The following DALRD3 variants were observed in gnomAD, a reference collection of about 807,000 sequenced individuals.
The protein encoded by DALRD3 is DALR anticodon-binding domain-containing protein 3.
DALRD3 carries 47 observed loss-of-function variants against 56.7 expected under a neutral mutation model. The observed-to-expected ratio is 0.83, with a 90% CI of 0.66 to 1.06. The LOEUF (loss-of-function observed/expected upper bound fraction) is 1.06, where lower values mean the gene tolerates loss of function less well. Ranked by LOEUF, DALRD3 falls within the 50% of genes least tolerant of loss-of-function variation. The pLI is 0.00. For synonymous variants in DALRD3, 347 were observed against 308.5 expected (o/e 1.12, Z -1.31); for missense variants, 787 against 724.0 (o/e 1.09, Z -1.00).
At chr3:49,021,327 A>G (rs1052698971), upstream of DALRD3, 2 of 152,290 alleles carry the variant, frequency 1.3e-5, no homozygotes, top group Non-Finnish European at 2.9e-5. This position sits in a 1 kb window ranked among gnomAD's most constrained non-coding sequence, Gnocchi z 4.1. Flanking sequence ...CTCTCGCGCC[A>G]GTAGGCCCTT....
chr3:49,016,311 G>C lies in DALRD3; in HGVS notation c.1176C>G (p.Ile392Met). ...TGCCACTCTTTGTGCCCTTCGTGGA[G>C]ATACTGCTGTCAGCCAGAGCCAGGA... is the stretch of plus-strand genomic sequence containing the variant. ...QLFLALADSS[I>M]STKGTKSGTF... The change falls in exon 9 of 12, where the codon ATC (isoleucine) becomes ATG (methionine). Residue 392 changes from isoleucine to methionine, a missense_variant. Transcript: ENST00000341949. 6.2e-7 allele frequency: 1 copy of C among 1,610,176 alleles called. No individual in the cohort carries two copies. The highest frequency in any genetic ancestry group is 2.2e-5 in the East Asian group (1 of 44,756).
rs1001770694 is a variant in DALRD3, at chr3:49,015,972, C to A, written c.1443+1G>T. ...GAGTGTCCTGGTTGTCTATGCCTCA[C>A]CATCTCTGTGCGTACAGCAATGTGG... On this transcript the variant is annotated splice_donor_variant, in intron 10 of 11. Transcript: ENST00000341949. LOFTEE classifies it high-confidence loss of function. 6.2e-7 allele frequency: 1 copy of A among 1,613,870 alleles called. No individual in the cohort carries two copies. Among genetic ancestry groups the A allele is most frequent in the African/African-American group, 1.3e-5 (1 of 75,038 alleles).
rs779332312 is a variant in DALRD3, at chr3:49,018,428, G to A, written c.137C>T (p.Ala46Val). ...GCCGTCATCGAAGCGCGCCTGCAGC[G>A]CGCGGTGCGGTGCCAGAAAGTCTCG... is the stretch of plus-strand genomic sequence containing the variant. ...RSRDFLAPHRALQARFDDGQV... is the reference protein window; with the variant it reads ...RSRDFLAPHRVLQARFDDGQV... The change falls in exon 1 of 12, where the codon GCG becomes GTG. Residue 46 changes from alanine to valine, a missense_variant. Ala to Val is a moderately conservative substitution (Grantham distance 64). Transcript: ENST00000341949. 3 of 1,581,406 alleles carry A rather than the reference G, an allele frequency of 1.9e-6. No homozygotes were observed. Among genetic ancestry groups the A allele is most frequent in the South Asian group, 1.1e-5 (1 of 87,436 alleles).
At chr3:49,020,574 T>A (rs1451385720), upstream of DALRD3, 1 of 470,522 alleles carries the variant, frequency 2.1e-6, no homozygotes. Flanking sequence ...CAGTAAAGTA[T>A]GTCTGGGGGT....
chr3:49,016,554 C>G, intron 7 of DALRD3, 43 bp from the exon 8 acceptor site: 2 of 1,600,502 alleles, frequency 1.2e-6, no homozygotes, highest in Non-Finnish European at 1.7e-6. Flanking sequence ...CAGGCAAGGG[C>G]AGGGATGCAA....
intron 3 of DALRD3, 27 bp downstream of exon 3, chr3:49,017,586 C>T (rs1462184489): frequency 1.9e-6 from 3 of 1,614,006 alleles, no homozygotes; most frequent in Non-Finnish European, 2.5e-6. Flanking sequence ...CCTGCCTTTT[C>T]TGGCCCTGCT....
chr3:49,016,987 G>C, intron 5 of DALRD3, 140 bp from the exon 6 acceptor site: 5 of 1,045,814 alleles, frequency 4.8e-6, no homozygotes, highest in Non-Finnish European at 4.3e-6. Flanking sequence ...CGTCTACCCA[G>C]CCACTCAGGC....
Position 49,018,067 on chromosome 3 carries a change from C to T in DALRD3, c.417G>A (p.Thr139=). The stretch of plus-strand genomic sequence containing the variant: ...GCGCCAGGTGATCGGCCACGAGCAC[C>T]GTACGCAGCTGGCTCAAGCGGAGTG... The part of the protein sequence containing the change: ...PCALRLSQLR[T]VLVADHLARA... The change falls in exon 2 of 12, where the codon ACG becomes ACA. Residue 139 remains threonine (T), a synonymous_variant. Coordinates refer to ENST00000341949, the MANE Select transcript of DALRD3 (RefSeq NM_001009996.3). 6.7e-7 allele frequency: 1 copy of T among 1,491,766 alleles called. No homozygotes were observed. 92.4% of individuals were successfully genotyped at this position (1,491,766 alleles called of 1,614,324 possible). A position where few individuals can be genotyped will look rare whatever the true frequency, so the allele number is the denominator to read the frequency against.
chr3:49,019,926 T>G (rs1260755072), upstream of DALRD3, among the ~76,000 whole-genome samples: 1 of 152,250 alleles, frequency 6.6e-6, no homozygotes, highest in Non-Finnish European at 1.5e-5. Context: ...ATCTTGCTCC[T>G]CTACCAATAG....
intron 5 of DALRD3, 49 bp downstream of exon 5, chr3:49,017,179 G>C (rs764984657): frequency 1.2e-6 from 2 of 1,613,086 alleles, no homozygotes; most frequent in Non-Finnish European, 1.7e-6. Flanking sequence ...AGGGCCCTCT[G>C]AGGTTGGGGG....
chr3:49,019,011 T>A (rs2093127843), upstream of DALRD3: 8 of 985,470 alleles, frequency 8.1e-6, no homozygotes, highest in South Asian at 3.8e-4. Flanking sequence ...TATCTCGTTT[T>A]AAAAAGAATA....
At chr3:49,020,471 C>A, upstream of DALRD3, 1 of 385,388 alleles carries the variant, frequency 2.6e-6, no homozygotes. Flanking sequence ...CCCCAGGGTT[C>A]CAGAGATGGC....
Position 49,015,534 on chromosome 3 carries a change from T to G in DALRD3, c.*54A>C. The G allele has an allele frequency of 6.2e-7, 1 of 1,600,686 alleles. No individual in the cohort carries two copies. Among genetic ancestry groups the G allele is most frequent in the Non-Finnish European group, 8.5e-7 (1 of 1,172,992 alleles). ...TTATTTTGGCCGTGGGTTTTTGCTT[T>G]TTTTCCAGTTGATGACTTTGTGAAC... On this transcript the variant is annotated 3_prime_UTR_variant, in exon 12 of 12. Coordinates refer to ENST00000341949, the MANE Select transcript of DALRD3 (RefSeq NM_001009996.3).
rs1208126137 is a variant in DALRD3 at position 49,016,653 on chromosome 3, C to T, written c.1022G>A (p.Cys341Tyr). The change falls in exon 7 of 12, where the codon TGC becomes TAC. Residue 341 changes from cysteine to tyrosine, a missense_variant. By Grantham distance (194) the Cys-to-Tyr change is radical. Coordinates refer to ENST00000341949, the MANE Select transcript of DALRD3 (RefSeq NM_001009996.3). Reference protein sequence around the residue: ...EYYEFRHTQVCKASALKHGGD... With the variant: ...EYYEFRHTQVYKASALKHGGD... ...ACCATGCTTCAGTGCTGAGGCCTTG[C>T]ACACCTGGGTATGCCGGAACCTGTG... 3 of 1,596,330 alleles carry T rather than the reference C, an allele frequency of 1.9e-6. No individual in the cohort carries two copies. Among genetic ancestry groups the T allele is most frequent in the African/African-American group, 2.7e-5 (2 of 74,774 alleles).
Position 49,017,338 on chromosome 3 carries a change from CA to C in DALRD3, c.816del (p.Gly273ValfsTer45), listed in dbSNP as rs752348508. 4 of 1,614,112 alleles carry C rather than the reference CA, an allele frequency of 2.5e-6. No homozygotes were observed. Among genetic ancestry groups the C allele is most frequent in the Non-Finnish European group, 3.4e-6 (4 of 1,180,048 alleles). Reference sequence around the variant, plus strand: ...TGTACAACCAGGCAGCCGCCTGTACCAGTATCTGAGGCCCCAGCCTAAGGGA... The same window carrying C: ...TGTACAACCAGGCAGCCGCCTGTACCGTATCTGAGGCCCCAGCCTAAGGGA... ...SHPGLAGASD[T>X]GTGGCLVVHV... On this transcript the variant is annotated frameshift_variant, in exon 5 of 12. Transcript: ENST00000341949. LOFTEE classifies it high-confidence loss of function.
chr3:49,016,839 G>A lies in DALRD3; in HGVS notation c.936C>T (p.Leu312=), dbSNP rs1161792047. Residue 312 remains leucine, a synonymous_variant, in exon 6 of 12, where the codon CTC becomes CTT. Transcript: ENST00000341949. ...VDKAPLRQKH[L]ICGPVKVAGA... ...CAGCTACTTTCACAGGGCCACAGATGAGGTGCTTCTGTCAGAAAGATGTCA... is the reference window on the plus strand; with the variant it reads ...CAGCTACTTTCACAGGGCCACAGATAAGGTGCTTCTGTCAGAAAGATGTCA... 8 of 1,614,076 alleles carry A rather than the reference G, an allele frequency of 5.0e-6. No homozygotes were observed. Among genetic ancestry groups the A allele is most frequent in the Non-Finnish European group, 6.8e-6 (8 of 1,180,042 alleles).
At chr3:49,017,047 G>A (rs1053858518) in intron 5 of DALRD3, 181 bp downstream of exon 5, 2 of 974,520 alleles carry the variant, frequency 2.1e-6, no homozygotes, top group African/African-American at 3.2e-5. Flanking sequence ...CTTGGGATGT[G>A]TCTACAGACC....
chr3:49,019,031 G>T (rs1268088896), upstream of DALRD3: 1 of 985,286 alleles, frequency 1.0e-6, no homozygotes, highest in African/African-American at 1.7e-5. Flanking sequence ...AGTGTTCCGC[G>T]GTTTCAGGTT....
rs773455464 is a variant in DALRD3, at chr3:49,018,017, G to A, written c.461+6C>T. 5.4e-6 allele frequency: 8 copies of A among 1,479,768 alleles called. No individual in the cohort carries two copies. In the African/African-American group the frequency reaches 5.6e-5, roughly 10 times the overall value. The allele number at this position is 1,479,768 out of a possible 1,614,324, so 91.7% of individuals were successfully genotyped here. A position where few individuals can be genotyped will look rare whatever the true frequency, so the allele number is the denominator to read the frequency against. On this transcript the variant is annotated splice_donor_region_variant and intron_variant, in intron 2 of 11. Transcript: ENST00000341949. ...TTCTCCATTCCGGCCCCGCGGCCCC[G>A]CTCACCCGTGAGCGCGCAGGGCTCG...
Sources: gnomAD v4.1 joint callset for allele counts (sites outside exome capture counted in the v4.1 genomes callset) on GRCh38, gnomAD v4.1.1 for gene constraint, Gnocchi (gnomAD v3.1) non-coding constraint, MANE v1.5 for transcripts, NCBI Gene and HGNC (gene_info 2026-07-23, HGNC 2026-07-21) for gene names.